Variants in DPF3 observed in about 807,000 individuals in gnomAD.
DPF3 encodes zinc finger protein DPF3.
In DPF3, 18 loss-of-function variants were observed where a neutral mutation model predicts 56.8. The observed-to-expected ratio is 0.32, with a 90% CI of 0.22 to 0.47. The LOEUF (loss-of-function observed/expected upper bound fraction) is 0.47, where lower values mean the gene tolerates loss of function less well. Ranked by LOEUF, DPF3 falls within the 20% of genes least tolerant of loss-of-function variation. The probability of loss-of-function intolerance (pLI) is 1.00; values close to 1 mark genes in which losing one functional copy is unlikely to be tolerated. For synonymous variants in DPF3, 188 were observed against 180.2 expected, an observed-to-expected ratio of 1.04 and a Z score of -0.35; for missense variants, 403 against 488.8, an observed-to-expected ratio of 0.82 and a Z score of 1.65.
At chr14:72,782,023 G>T (rs1355798560) in intron 1 of DPF3, among the ~76,000 whole-genome samples, 1 of 152,146 alleles carries the variant, frequency 6.6e-6, no homozygotes, top group Non-Finnish European at 1.5e-5. Flanking sequence ...GCACTCGGAT[G>T]TTGCCTCCTG....
intron 1 of DPF3, among the ~76,000 whole-genome samples, chr14:72,828,494 T>C (rs111945485): frequency 1.5e-5 from 2 of 131,326 alleles, no homozygotes; most frequent in South Asian, 2.4e-4. Context: ...GCCATGATGG[T>C]GCCACTGCAC....
chr14:72,715,624 C>T (rs1567209703), intron 5 of DPF3, among the ~76,000 whole-genome samples: 1 of 151,920 alleles, frequency 6.6e-6, no homozygotes, highest in Admixed American at 6.5e-5. Flanking sequence ...CTCTCACACA[C>T]ACACTCACAC....
chr14:72,748,594 G>A (rs182603676), intron 3 of DPF3, among the ~76,000 whole-genome samples: 67 of 152,320 alleles, frequency 4.4e-4, no homozygotes, highest in Middle Eastern at 3.4e-3. Context: ...GGCATGTCAA[G>A]GGTCTTCACG....
rs1171661272 is a variant in DPF3, at chr14:72,836,629, G to A, written c.32+57428C>T. The A allele has an allele frequency of 4.4e-6, 3 of 675,626 alleles. No individual in the cohort carries two copies. The African/African-American group carries it at 5.9e-5, about 13-fold the overall frequency. The allele number at this position is 675,626 out of a possible 1,614,324, so 41.9% of individuals were successfully genotyped here. On this transcript the variant is annotated intron_variant, in intron 1 of 10. Coordinates refer to ENST00000556509, the MANE Select transcript of DPF3 (RefSeq NM_001280542.3). ...TTCTCTGAAGGAAACCTCCTACCCA[G>A]TGCTTAGGAGCCCATTGGGAGCTCC...
At position 72,611,514 on chromosome 14, in the gene DPF3, A is replaced by AC. The variant is rs71448400; in HGVS notation, c.*7782dup. On this transcript the variant is annotated 3_prime_UTR_variant, in exon 11 of 11. Coordinates refer to ENST00000556509, the MANE Select transcript of DPF3 (RefSeq NM_001280542.3). ...TGCCCAATCTGTACTTGAAGCCCCC[A>AC]CCCCCCCAGTCCCGCTCTCTGCTTT... Among the ~76,000 whole-genome samples, 2,150 of 148,276 alleles carry AC rather than the reference A, an allele frequency of 0.015. 42 individuals carry two copies. The highest frequency in any genetic ancestry group is 0.051 in the African/African-American group (2,067 of 40,498).
intron 6 of DPF3, among the ~76,000 whole-genome samples, chr14:72,694,560 G>A (rs1887831432): frequency 6.6e-6 from 1 of 152,178 alleles, no homozygotes; most frequent in Non-Finnish European, 1.5e-5. Context: ...TTCTGATAGA[G>A]TTTCTCTTCC....
intron 1 of DPF3, among the ~76,000 whole-genome samples, chr14:72,774,933 C>A (rs1241925891): frequency 6.6e-6 from 1 of 152,170 alleles, no homozygotes; most frequent in Non-Finnish European, 1.5e-5. Flanking sequence ...AGCTTAAATG[C>A]TTCCTTCTGC....
At chr14:72,710,565 C>T (rs1018905338) in intron 6 of DPF3, among the ~76,000 whole-genome samples, 5 of 152,306 alleles carry the variant, frequency 3.3e-5, no homozygotes, top group African/African-American at 9.6e-5. Context: ...CCCTGAAGAG[C>T]GCTCAGAAAA....
At chr14:72,761,909 G>C (rs1202624298) in intron 2 of DPF3, among the ~76,000 whole-genome samples, 1 of 151,700 alleles carries the variant, frequency 6.6e-6, no homozygotes, top group African/African-American at 2.4e-5. Context: ...AAAGAGTAAT[G>C]CAGCAATATT....
intron 8 of DPF3, among the ~76,000 whole-genome samples, chr14:72,658,610 A>G (rs1315920316): frequency 6.6e-6 from 1 of 152,202 alleles, no homozygotes; most frequent in Non-Finnish European, 1.5e-5. Context: ...GGAAAAAGAA[A>G]TGGATAGGGG....
chr14:72,805,612 G>A (rs573793934), intron 1 of DPF3, among the ~76,000 whole-genome samples: 17 of 152,170 alleles, frequency 1.1e-4, no homozygotes, highest in South Asian at 2.1e-4. Context: ...TTGGGAGGCC[G>A]AGGTGGGCAG....
chr14:72,887,761 C>T (rs1886604750), intron 1 of DPF3, among the ~76,000 whole-genome samples: 1 of 152,294 alleles, frequency 6.6e-6, no homozygotes, highest in Non-Finnish European at 1.5e-5. Context: ...CTTGGGATTC[C>T]TCTCCCAGAG....
At chr14:72,711,285 T>TG (rs1374055907) in intron 6 of DPF3, among the ~76,000 whole-genome samples, 2 of 152,356 alleles carry the variant, frequency 1.3e-5, no homozygotes, top group South Asian at 4.1e-4. Context: ...ATTTAACTAC[T>TG]GGGCAATGTC....
chr14:72,821,353 C>T (rs976491749), intron 1 of DPF3, among the ~76,000 whole-genome samples: 2 of 151,966 alleles, frequency 1.3e-5, no homozygotes, highest in East Asian at 3.9e-4. Context: ...AAGGTAGAGG[C>T]AGGAGGATAG....
At chr14:72,657,971 C>G (rs1036979021) in intron 8 of DPF3, among the ~76,000 whole-genome samples, 1 of 152,102 alleles carries the variant, frequency 6.6e-6, no homozygotes, top group Admixed American at 6.5e-5. Context: ...AAAACAAAAC[C>G]AGAAAACAAC....
rs149414501 is a variant in DPF3 at position 72,708,789 on chromosome 14, G to T, written c.604+5634C>A. ...CTCTTGGCCTGTGGCACAGTTTCCC[G>T]TGGTATTCCCCAATCCACTGCTCCC... On this transcript the variant is annotated intron_variant, in intron 6 of 10. Transcript: ENST00000556509. 3.3e-5 allele frequency among the ~76,000 whole-genome samples: 5 copies of T among 152,282 alleles called. No homozygotes were observed. In the East Asian group the frequency reaches 9.7e-4, roughly 29 times the overall value.
At chr14:72,670,157 C>A (rs1395674288) in intron 8 of DPF3, 9 of 985,734 alleles carry the variant, frequency 9.1e-6, no homozygotes, top group Non-Finnish European at 1.1e-5. Flanking sequence ...GGTATTGATA[C>A]GTTTCTTAAC....
chr14:72,891,458 C>G (rs182438533), intron 1 of DPF3, among the ~76,000 whole-genome samples: 25 of 152,256 alleles, frequency 1.6e-4, no homozygotes, highest in Admixed American at 1.5e-3. Flanking sequence ...CCCCTCCTCC[C>G]TGCACCACCA....
intron 1 of DPF3, among the ~76,000 whole-genome samples, chr14:72,881,333 TTGC>T (rs1236280057): frequency 6.1e-5 from 9 of 148,540 alleles, no homozygotes; most frequent in East Asian, 2.0e-4. Context: ...GTTGTTGTTG[TTGC>T]TGTTGTTGTT....
Sources: allele counts gnomAD v4.1 joint callset (sites outside exome capture counted in the v4.1 genomes callset), GRCh38; gene constraint gnomAD v4.1.1; transcripts MANE v1.5; gene names NCBI Gene and HGNC (gene_info 2026-07-23, HGNC 2026-07-21).